The following FAM118B variants were observed in gnomAD, a reference collection of about 807,000 sequenced individuals.
The protein encoded by FAM118B is SIR2 antiphage like 1, also known as protein FAM118B.
FAM118B carries 24 observed loss-of-function variants against 38.5 expected under a neutral mutation model. The ratio of observed to expected loss-of-function variants is 0.62; its 90% CI spans 0.45 to 0.88. The LOEUF is 0.88. Ranked by LOEUF, FAM118B falls within the 40% of genes least tolerant of loss-of-function variation. FAM118B has a pLI of 0.00. For synonymous variants in FAM118B, 138 were observed against 156.3 expected, an observed-to-expected ratio of 0.88 and a Z score of 0.87; for missense variants, 334 against 420.0, an observed-to-expected ratio of 0.80 and a Z score of 1.79.
intron 3 of FAM118B, among the ~76,000 whole-genome samples, 176 bp downstream of exon 3, chr11:126,235,263 G>T (rs771820778): frequency 6.6e-6 from 1 of 152,150 alleles, no homozygotes; most frequent in South Asian, 2.1e-4. Flanking sequence ...GGCAGTACAG[G>T]TACATAGTTT....
At position 126,255,260 on chromosome 11, in the gene FAM118B, G is replaced by A. The variant is rs1162440315; in HGVS notation, c.696+827G>A. Among the ~76,000 whole-genome samples, 1 of 152,126 alleles carries A rather than the reference G, an allele frequency of 6.6e-6. No individual in the cohort carries two copies. The highest frequency in any genetic ancestry group is 2.4e-5 in the African/African-American group (1 of 41,426). On this transcript the variant is annotated intron_variant, in intron 6 of 8. Coordinates refer to ENST00000533050, the MANE Select transcript of FAM118B (RefSeq NM_024556.4). The surrounding 1 kb of genome is among the most constrained non-coding windows in gnomAD (Gnocchi z 4.6). ...AAACATGTTCAAACCAGAAGTATTC[G>A]CTGCCCCCAGCTCTAAGAATCTTGT...
chr11:126,212,679 G>A (rs773242697), intron 1 of FAM118B, among the ~76,000 whole-genome samples: 5 of 152,210 alleles, frequency 3.3e-5, no homozygotes, highest in African/African-American at 4.8e-5. Flanking sequence ...TGGAATGAAG[G>A]CTGCCTGAGG....
chr11:126,245,925 G>A (rs1012438447), intron 4 of FAM118B, among the ~76,000 whole-genome samples: 8 of 151,572 alleles, frequency 5.3e-5, no homozygotes, highest in Non-Finnish European at 1.2e-4. Context: ...GAACCCGGGA[G>A]GCGGAGGTTG....
In FAM118B at chr11:126,240,935, T is replaced by A. The variant is rs771423560; in HGVS notation, c.230T>A (p.Ile77Asn). Residue 77 changes from isoleucine to asparagine, a missense_variant, in exon 4 of 9, where the codon ATT becomes AAT. Ile to Asn is a moderately radical substitution (Grantham distance 149). Transcript: ENST00000533050. Reference sequence around the variant, plus strand: ...ATTCAGGCCTTACTGGATGCTGCCATTGATTTTGATCTTTTAGAAGATGAG... The same window carrying A: ...ATTCAGGCCTTACTGGATGCTGCCAATGATTTTGATCTTTTAGAAGATGAG... ...GLIQALLDAAIDFDLLEDEES... is the reference protein window; with the variant it reads ...GLIQALLDAANDFDLLEDEES... 1 of 1,614,180 alleles carries A rather than the reference T, an allele frequency of 6.2e-7. No individual in the cohort carries two copies. Among genetic ancestry groups the A allele is most frequent in the Non-Finnish European group, 8.5e-7 (1 of 1,180,024 alleles).
intron 1 of FAM118B, among the ~76,000 whole-genome samples, chr11:126,217,336 C>T (rs1007166732): frequency 6.6e-6 from 1 of 152,118 alleles, no homozygotes; most frequent in Admixed American, 6.5e-5. Context: ...TCTTGCATCC[C>T]ACCACTTTCC....
chr11:126,236,245 T>C (rs550112300), intron 3 of FAM118B, among the ~76,000 whole-genome samples: 1 of 152,364 alleles, frequency 6.6e-6, no homozygotes, highest in African/African-American at 2.4e-5. Context: ...AGCATGTCCT[T>C]GCATAGCCTC....
At chr11:126,227,222 C>T (rs1950155263) in intron 1 of FAM118B, among the ~76,000 whole-genome samples, 1 of 151,932 alleles carries the variant, frequency 6.6e-6, no homozygotes, top group South Asian at 2.1e-4. Context: ...ACCACCATGC[C>T]CAGCTGATTT....
intron 5 of FAM118B, among the ~76,000 whole-genome samples, chr11:126,254,100 T>C (rs775669074): frequency 7.9e-5 from 12 of 152,190 alleles, no homozygotes; most frequent in South Asian, 2.1e-4. Flanking sequence ...CAAAGAGAAA[T>C]CACCAAATTT....
At position 126,250,419 on chromosome 11, in the gene FAM118B, C is replaced by A; in HGVS notation, c.340-87C>A. 1.1e-6 allele frequency: 1 copy of A among 876,674 alleles called. No homozygotes were observed. Among genetic ancestry groups the A allele is most frequent in the Non-Finnish European group, 1.8e-6 (1 of 555,266 alleles). 54.3% of individuals were successfully genotyped at this position (876,674 alleles called of 1,614,324 possible). The stretch of plus-strand genomic sequence containing the variant: ...ATCTCTGTTTTGAATTCAAAATATT[C>A]TTCCAAAATTTGTTACTGCTGTAAC... On this transcript the variant is annotated intron_variant, in intron 4 of 8. Transcript: ENST00000533050. The surrounding 1 kb of genome is among the most constrained non-coding windows in gnomAD (Gnocchi z 5.1).
intron 1 of FAM118B, among the ~76,000 whole-genome samples, chr11:126,226,435 A>G (rs1250067872): frequency 2.8e-5 from 3 of 106,596 alleles, no homozygotes; most frequent in African/African-American, 7.5e-5. Context: ...TAGGCAGGCC[A>G]GAAAGGAACG....
At chr11:126,248,000 A>G (rs896523137) in intron 4 of FAM118B, among the ~76,000 whole-genome samples, 1 of 138,366 alleles carries the variant, frequency 7.2e-6, no homozygotes, top group Admixed American at 7.4e-5. Flanking sequence ...ATATATATAT[A>G]CAAGGCGTGG....
At chr11:126,258,202 T>C (rs1950610781) in intron 7 of FAM118B, among the ~76,000 whole-genome samples, 1 of 151,862 alleles carries the variant, frequency 6.6e-6, no homozygotes, top group Non-Finnish European at 1.5e-5. Context: ...TCAAGATGAG[T>C]GTGAGCAACA....
At position 126,261,360 on chromosome 11, in the gene FAM118B, TTC is replaced by T. The variant is rs1348139256; in HGVS notation, c.983-63_983-62del. The T allele has an allele frequency of 4.4e-6, 6 of 1,375,032 alleles. No individual in the cohort carries two copies. In the African/African-American group the frequency reaches 8.6e-5, roughly 20 times the overall value. The allele number at this position is 1,375,032 out of a possible 1,614,324, so 85.2% of individuals were successfully genotyped here. A position where few individuals can be genotyped will look rare whatever the true frequency, so the allele number is the denominator to read the frequency against. On this transcript the variant is annotated intron_variant, in intron 7 of 8. Coordinates refer to ENST00000533050, the MANE Select transcript of FAM118B (RefSeq NM_024556.4). ...CATATGTCCTCATCTCCCTTTAGTT[TTC>T]TTTTTGCTATTAATAGTTTTAGCTT...
intron 1 of FAM118B, among the ~76,000 whole-genome samples, chr11:126,224,248 G>A (rs1055580984): frequency 6.6e-6 from 1 of 151,958 alleles, no homozygotes; most frequent in Non-Finnish European, 1.5e-5. Flanking sequence ...TGAGGCAGGC[G>A]GATTGCTTGA....
intron 3 of FAM118B, among the ~76,000 whole-genome samples, chr11:126,237,216 T>A (rs868592309): frequency 0.15 from 604 of 4,060 alleles, 12 homozygotes; most frequent in African/African-American, 0.27. Flanking sequence ...GCGCCTGGCC[T>A]TTTTTTTTTT....
chr11:126,253,240 A>G lies in FAM118B; in HGVS notation c.568-1065A>G, dbSNP rs149366924. 2.5e-3 allele frequency among the ~76,000 whole-genome samples: 386 copies of G among 152,180 alleles called. No homozygotes were observed. The highest frequency in any genetic ancestry group is 8.9e-3 in the African/African-American group (370 of 41,532). On this transcript the variant is annotated intron_variant, in intron 5 of 8. Transcript: ENST00000533050. This position sits in a 1 kb window ranked among gnomAD's most constrained non-coding sequence, Gnocchi z 5.1. Reference sequence around the variant, plus strand: ...GATTTGCATTGTATTTTCAGCCCACATTAGGGGCAGTGTTGCAGTCTAATG... The same window carrying G: ...GATTTGCATTGTATTTTCAGCCCACGTTAGGGGCAGTGTTGCAGTCTAATG...
At chr11:126,254,536 A>G in intron 6 of FAM118B, 103 bp downstream of exon 6, 2 of 1,482,078 alleles carry the variant, frequency 1.3e-6, no homozygotes, top group Non-Finnish European at 1.8e-6. Context: ...CATTAAGTGA[A>G]AACGGAAGGT....
chr11:126,233,675 T>C lies in FAM118B; in HGVS notation c.-7-1320T>C, dbSNP rs564677729. ...GACTGTATTATTTCTATTTACCTTA[T>C]GATTATGATATAAAGAAGAATTACA... On this transcript the variant is annotated intron_variant, in intron 2 of 8. Coordinates refer to ENST00000533050, the MANE Select transcript of FAM118B (RefSeq NM_024556.4). 1.3e-3 allele frequency: 600 copies of C among 453,654 alleles called. 14 individuals are homozygous for C. Among genetic ancestry groups the C allele is most frequent in the South Asian group, 8.9e-3 (566 of 63,762 alleles). The allele number at this position is 453,654 out of a possible 1,614,324, so 28.1% of individuals were successfully genotyped here.
intron 3 of FAM118B, among the ~76,000 whole-genome samples, chr11:126,240,371 C>A (rs1950339684): frequency 6.6e-6 from 1 of 151,440 alleles, no homozygotes; most frequent in Non-Finnish European, 1.5e-5. Flanking sequence ...ATAATAGGAA[C>A]TTAATTTGTC....
Sources: gnomAD v4.1 joint callset for allele counts (sites outside exome capture counted in the v4.1 genomes callset) on GRCh38, gnomAD v4.1.1 for gene constraint, Gnocchi (gnomAD v3.1) non-coding constraint, MANE v1.5 for transcripts, NCBI Gene and HGNC (gene_info 2026-07-23, HGNC 2026-07-21) for gene names.